CNIH3: variants seen among roughly 807,000 people sequenced by gnomAD.
The protein encoded by CNIH3 is cornichon family AMPA receptor auxiliary protein 3.
A neutral mutation model predicts 24.1 loss-of-function variants in CNIH3; 14 were observed. That is an observed-to-expected ratio of 0.58 (90% CI 0.38 to 0.91). The LOEUF is 0.91. CNIH3 is among the 40% of genes least tolerant of loss of function. The probability of loss-of-function intolerance (pLI) is 0.00; values close to 1 mark genes in which losing one functional copy is unlikely to be tolerated. For synonymous variants in CNIH3, 68 were observed against 73.8 expected (o/e 0.92, Z 0.40); for missense variants, 178 against 196.8 (o/e 0.90, Z 0.57).
chr1:224,482,388 T>A (rs1279647976), intron 1 of CNIH3, among the ~76,000 whole-genome samples: 1 of 152,072 alleles, frequency 6.6e-6, no homozygotes, highest in Non-Finnish European at 1.5e-5. Context: ...CCCAAGGCCC[T>A]CAGTATGTAC....
rs970516019 is a variant in CNIH3, at chr1:224,467,887, CT to C, written n.203+33034del. ...TTTTTGTAAAAGGTATGAGGCTCTT[CT>C]TTTTTTTTCTTGGCCTACAGACTTT... On this transcript the variant is annotated intron_variant and non_coding_transcript_variant, in intron 1 of 5. Transcript: ENST00000471578. Among the ~76,000 whole-genome samples, 47 of 147,956 alleles carry C rather than the reference CT, an allele frequency of 3.2e-4. 1 individual carries two copies. The highest frequency in any genetic ancestry group is 1.1e-3 in the African/African-American group (43 of 40,414).
intron 4 of CNIH3, among the ~76,000 whole-genome samples, chr1:224,567,517 C>T (rs1449641855): frequency 1.3e-5 from 2 of 152,202 alleles, no homozygotes; most frequent in Non-Finnish European, 2.9e-5. Context: ...AGATCACTAT[C>T]TTTACTCCTA....
At chr1:224,589,459 A>T (rs1681658425), downstream of CNIH3, among the ~76,000 whole-genome samples, 1 of 152,154 alleles carries the variant, frequency 6.6e-6, no homozygotes, top group East Asian at 1.9e-4. Context: ...GGCAAAACTG[A>T]TTTTGTTCTG....
chr1:224,614,485 C>T (rs1424708365), upstream of CNIH3, among the ~76,000 whole-genome samples: 3 of 151,956 alleles, frequency 2.0e-5, no homozygotes, highest in African/African-American at 7.3e-5. Context: ...ACCAGCCTGG[C>T]CATATATTGA....
intron 5 of CNIH3, among the ~76,000 whole-genome samples, chr1:224,586,786 TAAG>T (rs1480720543): frequency 1.3e-5 from 2 of 152,044 alleles, no homozygotes; most frequent in Non-Finnish European, 2.9e-5. Flanking sequence ...GGTGTCCTTA[TAAG>T]AAGAGGAGAG....
At chr1:224,636,638 A>G (rs1276618298) in intron 1 of CNIH3, among the ~76,000 whole-genome samples, 1 of 152,258 alleles carries the variant, frequency 6.6e-6, no homozygotes, top group Non-Finnish European at 1.5e-5. Flanking sequence ...AAAGGAGTCA[A>G]GTAAAGTTTG....
At chr1:224,706,958 C>CTTTTTTTTTTTTT (rs71170031) in intron 3 of CNIH3, among the ~76,000 whole-genome samples, 1 of 82,140 alleles carries the variant, frequency 1.2e-5, no homozygotes, top group Non-Finnish European at 2.3e-5. Context: ...TCCTTTCTTT[C>CTTTTTTTTTTTTT]TTTTTTTTTT....
At chr1:224,695,398 C>G (rs1177997432) in intron 3 of CNIH3, among the ~76,000 whole-genome samples, 1 of 145,106 alleles carries the variant, frequency 6.9e-6, no homozygotes, top group African/African-American at 2.5e-5. Flanking sequence ...ACACACACCC[C>G]TGTTGGTTCT....
intron 1 of CNIH3, among the ~76,000 whole-genome samples, chr1:224,486,453 T>A (rs1177134783): frequency 6.6e-6 from 1 of 152,236 alleles, no homozygotes; most frequent in African/African-American, 2.4e-5. Context: ...TCACTGTGTT[T>A]TGTTTATACT....
At chr1:224,506,269 A>G (rs976615928) in intron 1 of CNIH3, among the ~76,000 whole-genome samples, 20 of 130,752 alleles carry the variant, frequency 1.5e-4, no homozygotes, top group African/African-American at 5.4e-4. Flanking sequence ...ATGCACGCAC[A>G]CGCGCGCGCG....
At chr1:224,607,422 A>C (rs572025574) in intron 3 of CNIH3, among the ~76,000 whole-genome samples, 1 of 152,240 alleles carries the variant, frequency 6.6e-6, no homozygotes, top group Non-Finnish European at 1.5e-5. Context: ...GAGGGCAGAT[A>C]AAAGAGGCAA....
chr1:224,573,927 A>G (rs1309898474), intron 4 of CNIH3, among the ~76,000 whole-genome samples: 2 of 152,142 alleles, frequency 1.3e-5, no homozygotes, highest in East Asian at 3.9e-4. Context: ...TTCTTTTAAA[A>G]AAAAGCATTA....
chr1:224,602,852 G>T (rs936104168), intron 3 of CNIH3, among the ~76,000 whole-genome samples: 6 of 152,236 alleles, frequency 3.9e-5, no homozygotes, highest in Non-Finnish European at 8.8e-5. Context: ...GGTTAGTAAA[G>T]CTTGTTAATG....
chr1:224,653,146 A>T (rs1367177086), intron 1 of CNIH3, among the ~76,000 whole-genome samples: 1 of 152,182 alleles, frequency 6.6e-6, no homozygotes, highest in Admixed American at 6.5e-5. Context: ...TCATTAAAAG[A>T]CTGTAGTGGC....
At chr1:224,558,680 A>C (rs1358943870) in intron 3 of CNIH3, among the ~76,000 whole-genome samples, 1 of 152,138 alleles carries the variant, frequency 6.6e-6, no homozygotes, top group Non-Finnish European at 1.5e-5. Flanking sequence ...CCACCCCTTG[A>C]TGGGAGTGGT....
At position 224,684,520 on chromosome 1, in the gene CNIH3, G is replaced by A. The variant is rs3738365; in HGVS notation, c.151-276G>A. 0.21 allele frequency among the ~76,000 whole-genome samples: 31,748 copies of A among 152,104 alleles called. 3,879 individuals carry two copies. Among genetic ancestry groups the A allele is most frequent in the African/African-American group, 0.34 (14,076 of 41,490 alleles). ...GGCTGAGAGAGACTTTGTAGATAAA[G>A]GAACAGAAATCCGTGCTGGACTGAG... On this transcript the variant is annotated intron_variant, in intron 2 of 5. Coordinates refer to ENST00000272133, the MANE Select transcript of CNIH3 (RefSeq NM_152495.2). This position sits in a 1 kb window ranked among gnomAD's most constrained non-coding sequence, Gnocchi z 4.2.
At chr1:224,563,670 C>T (rs969617473) in intron 3 of CNIH3, among the ~76,000 whole-genome samples, 1 of 152,168 alleles carries the variant, frequency 6.6e-6, no homozygotes. Context: ...GGCTGCTGTT[C>T]AGTACGGATG....
chr1:224,498,042 A>G (rs1677504925), intron 1 of CNIH3, among the ~76,000 whole-genome samples: 1 of 152,200 alleles, frequency 6.6e-6, no homozygotes. Flanking sequence ...ATCTTCAGGC[A>G]CTGTGCAAAG....
At chr1:224,580,345 G>C (rs1423624227) in intron 4 of CNIH3, among the ~76,000 whole-genome samples, 1 of 152,132 alleles carries the variant, frequency 6.6e-6, no homozygotes, top group Non-Finnish European at 1.5e-5. Context: ...TCTGACACAA[G>C]CCTCCACCAA....
Sources: allele counts gnomAD v4.1 joint callset (sites outside exome capture counted in the v4.1 genomes callset), GRCh38; gene constraint gnomAD v4.1.1; non-coding constraint Gnocchi (gnomAD v3.1); transcripts MANE v1.5; gene names NCBI Gene and HGNC (gene_info 2026-07-23, HGNC 2026-07-21).